OPN3: variants seen among roughly 807,000 people sequenced by gnomAD.
OPN3 encodes the protein opsin 3, also known as opsin-3.
A neutral mutation model predicts 33.8 loss-of-function variants in OPN3; 29 were observed. The ratio of observed to expected loss-of-function variants is 0.86; its 90% CI spans 0.64 to 1.17. The LOEUF (loss-of-function observed/expected upper bound fraction) is 1.17. OPN3 is among the 50% of genes most tolerant of loss of function. The pLI, the probability that OPN3 is intolerant of heterozygous loss-of-function variation, is 0.00. For synonymous variants in OPN3, 216 were observed against 216.1 expected (o/e 1.00, Z 0.00); for missense variants, 437 against 514.1 (o/e 0.85, Z 1.45).
rs777020594 is a variant in OPN3, at chr1:241,639,912, C to T, written c.343G>A (p.Val115Met). The T allele has an allele frequency of 6.3e-7, 1 of 1,597,262 alleles. No homozygotes were observed. The highest frequency in any genetic ancestry group is 1.7e-5 in the Admixed American group (1 of 58,094). ...NGWVWDTVGC[V>M]WDGFSGSLFG... ...AGGCTGCCGCTAAACCCGTCCCACA[C>T]GCAGCCCACGGTGTCCCACACCCAG... The change falls in exon 1 of 4, where the codon GTG becomes ATG. Residue 115 changes from valine (V) to methionine (M), a missense_variant. Val to Met is a conservative substitution (Grantham distance 21, BLOSUM62 1). Coordinates refer to ENST00000366554, the MANE Select transcript of OPN3 (RefSeq NM_014322.3).
chr1:241,635,530 C>A, intron 1 of OPN3: 1 of 1,614,000 alleles, frequency 6.2e-7, no homozygotes, highest in Non-Finnish European at 8.5e-7. Context: ...TTTCATGGAT[C>A]AGGTCCTGCC....
intron 1 of OPN3, chr1:241,633,763 A>T (rs1214384321): frequency 1.2e-6 from 2 of 1,606,610 alleles, no homozygotes; most frequent in African/African-American, 1.3e-5. Context: ...GCCATGAAGG[A>T]GGTCCAAAAC....
chr1:241,601,977 C>A (rs1241875987), intron 2 of OPN3, among the ~76,000 whole-genome samples: 1 of 151,966 alleles, frequency 6.6e-6, no homozygotes, highest in East Asian at 1.9e-4. Flanking sequence ...GTGGACCATC[C>A]AAGTGGAGGT....
chr1:241,597,823 T>C lies in OPN3; in HGVS notation c.868A>G (p.Ile290Val). The change falls in exon 3 of 4, where the codon ATA (isoleucine) becomes GTA (valine). Residue 290 changes from isoleucine (I) to valine (V), a missense_variant. Ile to Val is a conservative substitution (Grantham distance 29). Coordinates refer to ENST00000366554, the MANE Select transcript of OPN3 (RefSeq NM_014322.3). ...NGHGHLVTPT[I>V]SIVSYLFAKS... ...GCAAAGAGGTACGAAACAATAGATA[T>C]TGTTGGAGTGACCAGGTGACCATGA... is the stretch of plus-strand genomic sequence containing the variant. The C allele has an allele frequency of 6.2e-7, 1 of 1,613,862 alleles. No individual in the cohort carries two copies. Among genetic ancestry groups the C allele is most frequent in the Non-Finnish European group, 8.5e-7 (1 of 1,179,960 alleles).
chr1:241,603,564 G>A (rs534686118), intron 2 of OPN3, among the ~76,000 whole-genome samples: 21 of 152,170 alleles, frequency 1.4e-4, no homozygotes, highest in Non-Finnish European at 2.6e-4. Flanking sequence ...CTTTAACAAA[G>A]TTGGCATATG....
chr1:241,615,442 C>T (rs1203886329), intron 1 of OPN3, among the ~76,000 whole-genome samples: 1 of 151,998 alleles, frequency 6.6e-6, no homozygotes, highest in Non-Finnish European at 1.5e-5. Flanking sequence ...GACTCTGATC[C>T]ACTTTAGGAA....
At chr1:241,634,026 C>G (rs1664762959) in intron 1 of OPN3, 2 of 1,613,618 alleles carry the variant, frequency 1.2e-6, no homozygotes, top group African/African-American at 1.3e-5. Flanking sequence ...AGGCCACAGT[C>G]AGGCCCAGAG....
Position 241,604,400 on chromosome 1 carries a change from C to T in OPN3, c.553G>A (p.Gly185Arg), listed in dbSNP as rs1185500464. Residue 185 changes from glycine (G) to arginine (R), a missense_variant, in exon 2 of 4, where the codon GGA becomes AGA. Physicochemically the swap from Gly to Arg is moderately radical, Grantham distance 125. Transcript: ENST00000366554. ...GWNRYILDVHGLGCTVDWKSK... is the reference protein window; with the variant it reads ...GWNRYILDVHRLGCTVDWKSK... ...TTCCAGTCCACAGTGCAGCCTAGTC[C>T]GTGTACGTCCAGGATGTACCTGTTC... 6.8e-6 allele frequency: 11 copies of T among 1,614,012 alleles called. No homozygotes were observed. The highest frequency in any genetic ancestry group is 1.6e-4 in the Middle Eastern group (1 of 6,084).
intron 1 of OPN3, chr1:241,628,794 TTTTAA>T (rs1327828275): frequency 7.2e-5 from 11 of 152,348 alleles, no homozygotes; most frequent in South Asian, 2.1e-4. Context: ...GAAATGTATA[TTTTAA>T]TTTAAAATAG....
intron 1 of OPN3, among the ~76,000 whole-genome samples, chr1:241,638,114 CTCT>C (rs1664971046): frequency 6.6e-6 from 1 of 152,192 alleles, no homozygotes; most frequent in African/African-American, 2.4e-5. Context: ...GTCTCGGAAT[CTCT>C]TATCTCAGGG....
chr1:241,636,135 T>C (rs925838003), intron 1 of OPN3: 2 of 414,426 alleles, frequency 4.8e-6, no homozygotes, highest in Non-Finnish European at 8.5e-6. Context: ...AATAATTTCA[T>C]GCAACAATGA....
chr1:241,606,578 T>TAAATAAATAAATA (rs1553354178), intron 1 of OPN3, among the ~76,000 whole-genome samples: 2 of 126,842 alleles, frequency 1.6e-5, no homozygotes, highest in African/African-American at 3.0e-5. Flanking sequence ...AATAAATAAA[T>TAAATAAATAAATA]AAATAAATAA....
chr1:241,626,700 T>C (rs1046875028), intron 1 of OPN3, among the ~76,000 whole-genome samples: 1 of 152,202 alleles, frequency 6.6e-6, no homozygotes, highest in Non-Finnish European at 1.5e-5. Flanking sequence ...CTTACAAATA[T>C]AGTAAAATTA....
At chr1:241,639,201 A>G (rs1037910064) in intron 1 of OPN3, 5 of 152,242 alleles carry the variant, frequency 3.3e-5, no homozygotes, top group African/African-American at 1.2e-4. Context: ...GTATTGGCTG[A>G]GCCATTTGTA....
chr1:241,604,364 C>T lies in OPN3; in HGVS notation c.589G>A (p.Ala197Thr), dbSNP rs754934598. Residue 197 changes from alanine (A) to threonine (T), a missense_variant, in exon 2 of 4, where the codon GCC (alanine) becomes ACC (threonine). Ala to Thr is a moderately conservative substitution (Grantham distance 58). Coordinates refer to ENST00000366554, the MANE Select transcript of OPN3 (RefSeq NM_014322.3). ...AAAAGCACAAAGGAGGAATCGTTGG[C>T]ATCCTTGGATTTCCAGTCCACAGTG... ...GCTVDWKSKDANDSSFVLFLF... is the reference protein window; with the variant it reads ...GCTVDWKSKDTNDSSFVLFLF... 12 of 1,614,032 alleles carry T rather than the reference C, an allele frequency of 7.4e-6. 1 individual carries two copies. The highest frequency in any genetic ancestry group is 1.6e-4 in the Middle Eastern group (1 of 6,084).
chr1:241,638,934 G>A (rs1665005414), intron 1 of OPN3, among the ~76,000 whole-genome samples: 1 of 152,126 alleles, frequency 6.6e-6, no homozygotes, highest in Non-Finnish European at 1.5e-5. Context: ...GGAACTTTAA[G>A]CCTTGAGAAA....
intron 2 of OPN3, among the ~76,000 whole-genome samples, chr1:241,601,576 G>A (rs1217875779): frequency 6.6e-6 from 1 of 151,974 alleles, no homozygotes; most frequent in East Asian, 1.9e-4. Flanking sequence ...CATGGTGGTG[G>A]GCACCTGTAA....
chr1:241,599,926 T>C (rs1039295745), intron 2 of OPN3, among the ~76,000 whole-genome samples: 3 of 152,236 alleles, frequency 2.0e-5, no homozygotes, highest in African/African-American at 7.2e-5. Context: ...CACACTTGTA[T>C]GTATATGTAC....
chr1:241,619,067 G>T (rs1391948769), intron 1 of OPN3, among the ~76,000 whole-genome samples: 1 of 152,032 alleles, frequency 6.6e-6, no homozygotes, highest in Non-Finnish European at 1.5e-5. Context: ...TGCCTTTTAT[G>T]TGTGAAACCC....
Sources: gnomAD v4.1 joint callset for allele counts (sites outside exome capture counted in the v4.1 genomes callset) on GRCh38, gnomAD v4.1.1 for gene constraint, MANE v1.5 for transcripts, NCBI Gene and HGNC (gene_info 2026-07-23, HGNC 2026-07-21) for gene names.